The following PER2 variants were observed in gnomAD, a reference collection of about 807,000 sequenced individuals.
The protein encoded by PER2 is period circadian protein homolog 2.
A neutral mutation model predicts 121.0 loss-of-function variants in PER2; 66 were observed. That is an observed-to-expected ratio of 0.55 (90% CI 0.45 to 0.67). PER2 has a LOEUF of 0.67. PER2 is among the 30% of genes least tolerant of loss of function. The probability of loss-of-function intolerance (pLI) is 0.00; values close to 1 mark genes in which losing one functional copy is unlikely to be tolerated. For synonymous variants in PER2, 684 were observed against 659.9 expected (o/e 1.04, Z -0.56); for missense variants, 1,521 against 1,635.0 (o/e 0.93, Z 1.20).
chr2:238,277,108 T>G (rs1559335136), intron 3 of PER2, 23 bp downstream of exon 3: 1 of 1,533,880 alleles, frequency 6.5e-7, no homozygotes, highest in Non-Finnish European at 9.0e-7. Context: ...AACCTCTATG[T>G]ATGAAGTTCT....
chr2:238,272,658 T>A (rs998637450), intron 5 of PER2, among the ~76,000 whole-genome samples: 1 of 152,212 alleles, frequency 6.6e-6, no homozygotes, highest in Non-Finnish European at 1.5e-5. Flanking sequence ...GGCCCACCTT[T>A]GGGTGTGCTT....
At chr2:238,262,434 G>C (rs989608963) in intron 10 of PER2, 90 bp from the exon 11 acceptor site, 1 of 1,319,974 alleles carries the variant, frequency 7.6e-7, no homozygotes, top group African/African-American at 1.4e-5. Context: ...CTCAGGCCCA[G>C]GATCATTTGC....
the PER2 span, among the ~76,000 whole-genome samples, chr2:238,296,959 G>C: frequency 0.19 from 28,503 of 152,224 alleles, 3,343 homozygotes; most frequent in Non-Finnish European, 0.26. Flanking sequence ...CCCTCCTCGC[G>C]GGGGACATCT....
upstream of PER2, among the ~76,000 whole-genome samples, chr2:238,293,890 A>G (rs760917718): frequency 5.7e-4 from 86 of 152,176 alleles, no homozygotes; most frequent in Non-Finnish European, 1.0e-3. Flanking sequence ...TCTCTGCCTC[A>G]GGAACTTGTG....
In PER2 at chr2:238,255,743, A is replaced by G. The variant is rs1348793678; in HGVS notation, c.2234T>C (p.Phe745Ser). The G allele has an allele frequency of 3.1e-6, 5 of 1,614,044 alleles. No homozygotes were observed. The African/African-American group carries it at 6.7e-5, about 22-fold the overall frequency. ...QKEEQSFLQKFKEIRKLSIFQ... is the reference protein window; with the variant it reads ...QKEEQSFLQKSKEIRKLSIFQ... Reference sequence around the variant, plus strand: ...AATGCTGAGTTTTCTTATTTCTTTGAACTTCTGCAGGAAGCTCTGCTCCTC... The same window carrying G: ...AATGCTGAGTTTTCTTATTTCTTTGGACTTCTGCAGGAAGCTCTGCTCCTC... The change falls in exon 18 of 23, where the codon TTC becomes TCC. Residue 745 changes from phenylalanine (F) to serine (S), a missense_variant. Physicochemically the swap from Phe to Ser is radical, Grantham distance 155. Coordinates refer to ENST00000254657, the MANE Select transcript of PER2 (RefSeq NM_022817.3).
intron 1 of PER2, among the ~76,000 whole-genome samples, chr2:238,279,455 C>T (rs1052503797): frequency 2.6e-5 from 4 of 152,166 alleles, no homozygotes; most frequent in Non-Finnish European, 2.9e-5. Flanking sequence ...CCAGGCCTGC[C>T]GGCATCTGAA....
chr2:238,275,577 T>C (rs578092571), intron 4 of PER2, among the ~76,000 whole-genome samples, 166 bp downstream of exon 4: 1 of 152,332 alleles, frequency 6.6e-6, no homozygotes, highest in African/African-American at 2.4e-5. Context: ...TGGTCCCAGC[T>C]ACTCAGGAGG....
intron 13 of PER2, among the ~76,000 whole-genome samples, chr2:238,260,259 ATTTTT>A (rs374038428): frequency 6.9e-6 from 1 of 144,040 alleles, no homozygotes; most frequent in Non-Finnish European, 1.5e-5. Context: ...GGCACATTAC[ATTTTT>A]TTTTTTTTTT....
chr2:238,268,765 T>C lies in PER2; in HGVS notation c.824+158A>G, dbSNP rs1049158185. 6.6e-6 allele frequency among the ~76,000 whole-genome samples: 1 copy of C among 152,210 alleles called. No homozygotes were observed. The highest frequency in any genetic ancestry group is 6.5e-5 in the Admixed American group (1 of 15,292). On this transcript the variant is annotated intron_variant, in intron 7 of 22. Transcript: ENST00000254657. The surrounding 1 kb of genome is among the most constrained non-coding windows in gnomAD (Gnocchi z 4.0). The stretch of plus-strand genomic sequence containing the variant: ...CCGCATTCTTAGCGACCTGTACACA[T>C]TTAAAATGTAACTGACTGTGTTTTC...
At position 238,268,545 on chromosome 2, in the gene PER2, A is replaced by T. The variant is rs1696183069; in HGVS notation, c.825-347T>A. ...GGGTCACTCCTGACAGTGCAGCTGGATGCTCAATCAGTCACCCTGGTTTGG... is the reference window on the plus strand; with the variant it reads ...GGGTCACTCCTGACAGTGCAGCTGGTTGCTCAATCAGTCACCCTGGTTTGG... On this transcript the variant is annotated intron_variant, in intron 7 of 22. Transcript: ENST00000254657. The surrounding 1 kb of genome is among the most constrained non-coding windows in gnomAD (Gnocchi z 4.0). 6.6e-6 allele frequency among the ~76,000 whole-genome samples: 1 copy of T among 152,176 alleles called. No individual in the cohort carries two copies. The highest frequency in any genetic ancestry group is 2.1e-4 in the South Asian group (1 of 4,830).
intron 9 of PER2, 74 bp downstream of exon 9, chr2:238,265,438 G>GATGC (rs1696062564): frequency 1.2e-6 from 1 of 867,826 alleles, no homozygotes; most frequent in African/African-American, 1.7e-5. Flanking sequence ...ATAAAACCAA[G>GATGC]ATGCAGTCTT....
chr2:238,296,809 A>T, the PER2 span, among the ~76,000 whole-genome samples: 1 of 152,206 alleles, frequency 6.6e-6, no homozygotes, highest in African/African-American at 2.4e-5. Context: ...CTTGAGCATA[A>T]ACCCAGGCAT....
Position 238,246,362 on chromosome 2 carries a change from G to C in PER2, c.*13C>G, listed in dbSNP as rs916555139. On this transcript the variant is annotated 3_prime_UTR_variant, in exon 23 of 23. Transcript: ENST00000254657. ...TGTACCTCGCTGGCTGCCGGGCTGA[G>C]GTGGGGCAGGGGTTACGTCTGCTCT... 7.6e-6 allele frequency: 12 copies of C among 1,588,152 alleles called. No homozygotes were observed. The highest frequency in any genetic ancestry group is 1.3e-5 in the African/African-American group (1 of 74,100).
At chr2:238,263,513 T>G (rs1252745812) in intron 9 of PER2, among the ~76,000 whole-genome samples, 2 of 152,126 alleles carry the variant, frequency 1.3e-5, no homozygotes, top group African/African-American at 4.8e-5. Context: ...ATCCAGTTGG[T>G]TTACTGTGGC....
chr2:238,252,429 G>A lies in PER2; in HGVS notation c.3111+483C>T, dbSNP rs1005619370. The stretch of plus-strand genomic sequence containing the variant: ...AATACAACTACCGTTTCATTAACTG[G>A]TTAAGAATCTCACACAGTGTCCCTA... On this transcript the variant is annotated intron_variant, in intron 19 of 22. Transcript: ENST00000254657. The surrounding 1 kb of genome is among the most constrained non-coding windows in gnomAD (Gnocchi z 4.2). 2.0e-5 allele frequency among the ~76,000 whole-genome samples: 3 copies of A among 152,220 alleles called. No individual in the cohort carries two copies. Among genetic ancestry groups the A allele is most frequent in the African/African-American group, 7.2e-5 (3 of 41,452 alleles).
intron 1 of PER2, among the ~76,000 whole-genome samples, chr2:238,282,282 G>A (rs1696652225): frequency 6.6e-6 from 1 of 152,102 alleles, no homozygotes; most frequent in South Asian, 2.1e-4. Context: ...TGGGCAGCCT[G>A]CATGAACAGC....
intron 10 of PER2, among the ~76,000 whole-genome samples, 192 bp downstream of exon 10, chr2:238,262,758 CAT>C (rs1191435084): frequency 6.6e-6 from 1 of 152,186 alleles, no homozygotes; most frequent in Non-Finnish European, 1.5e-5. Context: ...AAGGAACTCA[CAT>C]GAGTTTACCC....
the PER2 span, among the ~76,000 whole-genome samples, chr2:238,298,031 C>CTTT: frequency 2.6e-3 from 340 of 128,358 alleles, 5 homozygotes; most frequent in South Asian, 4.5e-3. Context: ...AGCTTTTGTT[C>CTTT]TTTTTTTTTT....
chr2:238,259,937 A>AAC, intron 14 of PER2, 32 bp downstream of exon 14: 1 of 1,016,676 alleles, frequency 9.8e-7, no homozygotes, highest in African/African-American at 1.6e-5. Flanking sequence ...CTCTAGTTTC[A>AAC]GTAAGGAAAT....
Sources: allele counts gnomAD v4.1 joint callset (sites outside exome capture counted in the v4.1 genomes callset), GRCh38; gene constraint gnomAD v4.1.1; non-coding constraint Gnocchi (gnomAD v3.1); transcripts MANE v1.5; gene names NCBI Gene and HGNC (gene_info 2026-07-23, HGNC 2026-07-21).